The following ALPK3 variants were observed in gnomAD, a reference collection of about 807,000 sequenced individuals.
The protein encoded by ALPK3 is alpha-protein kinase 3.
A neutral mutation model predicts 140.0 loss-of-function variants in ALPK3; 102 were observed. That is an observed-to-expected ratio of 0.73 (90% CI 0.62 to 0.86). The LOEUF is 0.86. Ranked by LOEUF, ALPK3 falls within the 40% of genes least tolerant of loss-of-function variation. The probability of loss-of-function intolerance (pLI) is 0.00; values close to 1 mark genes in which losing one functional copy is unlikely to be tolerated. For missense variants in ALPK3, 2,254 were observed against 2,208.2 expected (o/e 1.02, Z -0.42); for synonymous variants, 938 against 898.5 (o/e 1.04, Z -0.79).
chr15:84,833,989 T>TTGCA (rs1963573428), intron 3 of ALPK3, among the ~76,000 whole-genome samples: 2 of 90,302 alleles, frequency 2.2e-5, no homozygotes, highest in African/African-American at 1.0e-4. Flanking sequence ...GTGTGTGTGT[T>TTGCA]TGCATGTGGG....
intron 2 of ALPK3, among the ~76,000 whole-genome samples, chr15:84,826,753 G>A (rs1418098904): frequency 6.6e-6 from 1 of 152,136 alleles, no homozygotes; most frequent in Non-Finnish European, 1.5e-5. Context: ...CCTGCTGGTT[G>A]GTCCTGGAGC....
At position 84,840,022 on chromosome 15, in the gene ALPK3, C is replaced by T; in HGVS notation, c.743C>T (p.Ala248Val). 1 of 1,613,682 alleles carries T rather than the reference C, an allele frequency of 6.2e-7. No individual in the cohort carries two copies. Among genetic ancestry groups the T allele is most frequent in the East Asian group, 2.2e-5 (1 of 44,832 alleles). ...AGGGAGCCTGAGGGTGGGACCCTGG[C>T]GGCTTGGCAGGAGGGAGAGACTGAG... ...PTREPEGGTLAAWQEGETETA... is the reference protein window; with the variant it reads ...PTREPEGGTLVAWQEGETETA... Residue 248 changes from alanine to valine, a missense_variant, in exon 5 of 14, where the codon GCG becomes GTG. Around this residue, in one of 3 missense-constraint regions of ALPK3, gnomAD observed 2,088 missense variants for 2,022.9 expected, o/e 1.03. Coordinates refer to ENST00000258888, the MANE Select transcript of ALPK3 (RefSeq NM_020778.5).
chr15:84,845,391 T>C (rs1033009293), intron 5 of ALPK3, among the ~76,000 whole-genome samples: 51 of 152,092 alleles, frequency 3.4e-4, no homozygotes, highest in Non-Finnish European at 5.6e-4. Flanking sequence ...CCTTTTTTTT[T>C]CTCCTGGGTC....
chr15:84,827,265 G>A (rs540745028), intron 2 of ALPK3, among the ~76,000 whole-genome samples: 1 of 152,334 alleles, frequency 6.6e-6, no homozygotes, highest in South Asian at 2.1e-4. Flanking sequence ...CTTGCCTATT[G>A]TAATGGGTCT....
chr15:84,856,623 A>C lies in ALPK3; in HGVS notation c.1885A>C (p.Thr629Pro). ...AAGGACCAGGGGAGATGGAACACAG[A>C]CAGCCCAGAGGACACGTGCAGATAG... ...DGRTRGDGTQTAQRTRADRKT... is the reference protein window; with the variant it reads ...DGRTRGDGTQPAQRTRADRKT... Residue 629 changes from threonine to proline, a missense_variant, in exon 6 of 14, where the codon ACA (threonine) becomes CCA (proline). Physicochemically the swap from Thr to Pro is conservative, Grantham distance 38 (BLOSUM62 -1). This residue lies in a region of ALPK3 where 2,088 missense variants were observed against 2,022.9 expected (regional missense o/e 1.03). Coordinates refer to ENST00000258888, the MANE Select transcript of ALPK3 (RefSeq NM_020778.5). 1 of 1,614,158 alleles carries C rather than the reference A, an allele frequency of 6.2e-7. No homozygotes were observed. Among genetic ancestry groups the C allele is most frequent in the East Asian group, 2.2e-5 (1 of 44,878 alleles).
chr15:84,840,012 G>A lies in ALPK3; in HGVS notation c.733G>A (p.Gly245Arg). Residue 245 changes from glycine (G) to arginine (R), a missense_variant, in exon 5 of 14, where the codon GGG becomes AGG. Gly to Arg is a moderately radical substitution (Grantham distance 125). Around this residue, in one of 3 missense-constraint regions of ALPK3, gnomAD observed 2,088 missense variants for 2,022.9 expected, o/e 1.03. Transcript: ENST00000258888. ...PSVPTREPEGGTLAAWQEGET... is the reference protein window; with the variant it reads ...PSVPTREPEGRTLAAWQEGET... ...GGTCCCTACCAGGGAGCCTGAGGGTGGGACCCTGGCGGCTTGGCAGGAGGG... is the reference window on the plus strand; with the variant it reads ...GGTCCCTACCAGGGAGCCTGAGGGTAGGACCCTGGCGGCTTGGCAGGAGGG... 4 of 1,613,810 alleles carry A rather than the reference G, an allele frequency of 2.5e-6. No individual in the cohort carries two copies. The highest frequency in any genetic ancestry group is 3.4e-6 in the Non-Finnish European group (4 of 1,179,836).
intron 4 of ALPK3, 76 bp downstream of exon 4, chr15:84,839,173 G>A: frequency 7.9e-7 from 1 of 1,269,734 alleles, no homozygotes; most frequent in South Asian, 1.3e-5. Flanking sequence ...CTCAGAAATG[G>A]AGCAGTCTGG....
chr15:84,862,703 G>A lies in ALPK3; in HGVS notation c.4198G>A (p.Asp1400Asn), dbSNP rs768673780. The A allele has an allele frequency of 2.5e-6, 4 of 1,614,064 alleles. No homozygotes were observed. The East Asian group carries it at 6.7e-5, about 27-fold the overall frequency. Residue 1400 changes from aspartate (D) to asparagine (N), a missense_variant, in exon 10 of 14, where the codon GAC (aspartate) becomes AAC (asparagine). Asp to Asn is a conservative substitution (Grantham distance 23, BLOSUM62 1). Around this residue, in one of 3 missense-constraint regions of ALPK3, gnomAD observed 2,088 missense variants for 2,022.9 expected, o/e 1.03. Transcript: ENST00000258888. The stretch of plus-strand genomic sequence containing the variant: ...TCTGGCTGACTCTGGCTGCTGGGGG[G>A]ACAAGCTCTTTGGGCGACTGGTAAG... ...KGLADSGCWG[D>N]KLFGRLVSEE...
chr15:84,836,577 T>C (rs1271305737), intron 3 of ALPK3, among the ~76,000 whole-genome samples: 1 of 152,232 alleles, frequency 6.6e-6, no homozygotes, highest in Admixed American at 6.5e-5. Context: ...GGTTTTGGCC[T>C]GAGCCAAATA....
In ALPK3 at chr15:84,868,706, C is replaced by G; in HGVS notation, c.*250C>G. ...CTCCCGGGCCTCAAGCAGTCCCCAC[C>G]TCCAAGTGCCTGGCAACCTAGGCCC... On this transcript the variant is annotated 3_prime_UTR_variant, in exon 14 of 14. Transcript: ENST00000258888. 1 of 558,456 alleles carries G rather than the reference C, an allele frequency of 1.8e-6. No homozygotes were observed. Among genetic ancestry groups the G allele is most frequent in the South Asian group, 2.3e-5 (1 of 43,474 alleles). 34.6% of individuals were successfully genotyped at this position (558,456 alleles called of 1,614,324 possible).
chr15:84,841,085 G>A (rs1283717347), intron 5 of ALPK3, among the ~76,000 whole-genome samples, 153 bp downstream of exon 5: 3 of 152,238 alleles, frequency 2.0e-5, no homozygotes. Context: ...CCACAGGCAT[G>A]CCCTTTGCCC....
intron 9 of ALPK3, 31 bp downstream of exon 9, chr15:84,860,103 G>T (rs757873680): frequency 6.2e-7 from 1 of 1,613,266 alleles, no homozygotes; most frequent in South Asian, 1.1e-5. Context: ...AGGCGGGGTG[G>T]TCCTACCCCT....
rs1270510310 is a variant in ALPK3 at position 84,817,562 on chromosome 15, G to A, written c.110G>A (p.Arg37Gln). Residue 37 changes from arginine (R) to glutamine (Q), a missense_variant, in exon 1 of 14, where the codon CGG becomes CAG. By Grantham distance (43) the Arg-to-Gln change is conservative (BLOSUM62 1). Around this residue, in one of 3 missense-constraint regions of ALPK3, gnomAD observed 2,088 missense variants for 2,022.9 expected, o/e 1.03. Coordinates refer to ENST00000258888, the MANE Select transcript of ALPK3 (RefSeq NM_020778.5). The stretch of plus-strand genomic sequence containing the variant: ...GTGTGGATCCCCAGCCCAGCCAGCC[G>A]GAGCTACCTGCTCAGCGTGCGGCCC... ...GPVWIPSPAS[R>Q]SYLLSVRPET... The A allele has an allele frequency of 4.0e-6, 6 of 1,502,044 alleles. No individual in the cohort carries two copies. Among genetic ancestry groups the A allele is most frequent in the East Asian group, 2.8e-5 (1 of 35,402 alleles). The allele number at this position is 1,502,044 out of a possible 1,614,324, so 93.0% of individuals were successfully genotyped here.
intron 5 of ALPK3, among the ~76,000 whole-genome samples, chr15:84,849,377 A>G (rs1963774691): frequency 6.6e-6 from 1 of 152,212 alleles, no homozygotes; most frequent in Non-Finnish European, 1.5e-5. Flanking sequence ...GAAAATCAGT[A>G]AGGATATAAA....
chr15:84,856,886 G>T lies in ALPK3; in HGVS notation c.2148G>T (p.Ala716=), dbSNP rs748048844. The part of the protein sequence containing the change: ...GEKGTQSEGS[A]PTAMEGQSEQ... ...AGGGGACGCAGTCAGAGGGGAGCGC[G>T]CCCACAGCCATGGAAGGTCAGTCTG... is the stretch of plus-strand genomic sequence containing the variant. The change falls in exon 6 of 14, where the codon GCG becomes GCT. Residue 716 remains alanine (A), a synonymous_variant. Coordinates refer to ENST00000258888, the MANE Select transcript of ALPK3 (RefSeq NM_020778.5). 6.2e-7 allele frequency: 1 copy of T among 1,613,980 alleles called. No individual in the cohort carries two copies. Among genetic ancestry groups the T allele is most frequent in the East Asian group, 2.2e-5 (1 of 44,874 alleles).
rs141449225 is a variant in ALPK3, at chr15:84,840,294, C to T, written c.1015C>T (p.Arg339Cys). Residue 339 changes from arginine (R) to cysteine (C), a missense_variant, in exon 5 of 14, where the codon CGC becomes TGC. Arg to Cys is a radical substitution (Grantham distance 180, BLOSUM62 -3). Around this residue, in one of 3 missense-constraint regions of ALPK3, gnomAD observed 2,088 missense variants for 2,022.9 expected, o/e 1.03. Coordinates refer to ENST00000258888, the MANE Select transcript of ALPK3 (RefSeq NM_020778.5). The part of the protein sequence containing the change: ...KPELEKAAQS[R>C]RSSENCIPSS... Reference sequence around the variant, plus strand: ...AGAGTTAGAGAAGGCAGCCCAAAGCCGCCGTTCTTCAGAAAACTGCATCCC... The same window carrying T: ...AGAGTTAGAGAAGGCAGCCCAAAGCTGCCGTTCTTCAGAAAACTGCATCCC... 7.1e-4 allele frequency: 1,143 copies of T among 1,613,834 alleles called. 1 individual carries two copies. Among genetic ancestry groups the T allele is most frequent in the Non-Finnish European group, 9.0e-4 (1,067 of 1,180,036 alleles).
chr15:84,828,376 C>T (rs893328716), intron 3 of ALPK3, among the ~76,000 whole-genome samples: 6 of 152,174 alleles, frequency 3.9e-5, no homozygotes, highest in Non-Finnish European at 7.4e-5. Context: ...TGGTTCCAGA[C>T]ATTGCCTCTC....
rs747755339 is a variant in ALPK3 at position 84,859,903 on chromosome 15, G to A, written c.4093G>A (p.Val1365Met). 1.9e-6 allele frequency: 3 copies of A among 1,614,022 alleles called. No homozygotes were observed. In the South Asian group the frequency reaches 3.3e-5, roughly 18 times the overall value. ...ASTDFCLSPEVLSGFISREEG... is the reference protein window; with the variant it reads ...ASTDFCLSPEMLSGFISREEG... ...CACCGACTTCTGCCTCAGCCCTGAG[G>A]GTGAGTGTGCCCCGCGGCCCGGGGT... Residue 1365 changes from valine (V) to methionine (M), a missense_variant and splice_region_variant, in exon 8 of 14, where the codon GTG becomes ATG. By Grantham distance (21) the Val-to-Met change is conservative. This residue lies in a region of ALPK3 where 2,088 missense variants were observed against 2,022.9 expected (regional missense o/e 1.03). Coordinates refer to ENST00000258888, the MANE Select transcript of ALPK3 (RefSeq NM_020778.5).
intron 3 of ALPK3, among the ~76,000 whole-genome samples, chr15:84,829,152 T>C (rs1034286542): frequency 5.3e-5 from 8 of 152,254 alleles, no homozygotes; most frequent in African/African-American, 1.7e-4. Flanking sequence ...CTTTTAGCTG[T>C]TTCTTCTGGC....
Sources: gnomAD v4.1 joint callset for allele counts (sites outside exome capture counted in the v4.1 genomes callset) on GRCh38, gnomAD v4.1.1 for gene constraint, gnomAD v4.1.1 regional missense constraint, MANE v1.5 for transcripts, NCBI Gene and HGNC (gene_info 2026-07-23, HGNC 2026-07-21) for gene names.